The following KIAA1217 variants were observed in gnomAD, a reference collection of about 807,000 sequenced individuals.
KIAA1217 encodes the protein sickle tail protein homolog.
KIAA1217 carries 88 observed loss-of-function variants against 163.9 expected under a neutral mutation model. That is an observed-to-expected ratio of 0.54 (90% CI 0.45 to 0.64). The LOEUF (loss-of-function observed/expected upper bound fraction) is 0.64. Ranked by LOEUF, KIAA1217 falls within the 30% of genes least tolerant of loss-of-function variation. KIAA1217 has a pLI of 0.00. For missense variants in KIAA1217, 2,372 were observed against 2,475.0 expected, an observed-to-expected ratio of 0.96 and a Z score of 0.88; for synonymous variants, 903 against 923.1, an observed-to-expected ratio of 0.98 and a Z score of 0.39.
chr10:24,482,565 C>T (rs1157952983), intron 6 of KIAA1217: 1 of 152,172 alleles, frequency 6.6e-6, no homozygotes, highest in Non-Finnish European at 1.5e-5. Flanking sequence ...CATAGTTTAG[C>T]CTCTCTTGTG....
intron 1 of KIAA1217, among the ~76,000 whole-genome samples, chr10:23,751,137 T>C (rs1564390489): frequency 6.6e-6 from 1 of 152,108 alleles, no homozygotes; most frequent in African/African-American, 2.4e-5. Context: ...AAGGAATTCT[T>C]GTGCCTCAGC....
At chr10:24,140,359 CAAAA>C (rs1260294070) in intron 2 of KIAA1217, among the ~76,000 whole-genome samples, 7 of 94,234 alleles carry the variant, frequency 7.4e-5, no homozygotes, top group Non-Finnish European at 9.0e-5. Flanking sequence ...GACTCTGTCT[CAAAA>C]AAAAAAAAAA....
intron 2 of KIAA1217, among the ~76,000 whole-genome samples, chr10:24,337,444 C>T (rs2046483558): frequency 6.6e-6 from 1 of 152,132 alleles, no homozygotes; most frequent in Non-Finnish European, 1.5e-5. Context: ...GATGCTGTGC[C>T]CACATTATGT....
chr10:24,392,417 C>T (rs967687626), intron 3 of KIAA1217, among the ~76,000 whole-genome samples: 7 of 152,132 alleles, frequency 4.6e-5, no homozygotes, highest in Non-Finnish European at 1.0e-4. Context: ...TTAAGTCATG[C>T]AGTGAGAAGG....
chr10:24,398,531 A>G (rs2056124564), intron 3 of KIAA1217, among the ~76,000 whole-genome samples: 2 of 152,206 alleles, frequency 1.3e-5, no homozygotes, highest in African/African-American at 4.8e-5. Flanking sequence ...TCAGGGCAGG[A>G]GTGGAAGTTT....
At chr10:24,206,509 G>A (rs1414208092), upstream of KIAA1217, among the ~76,000 whole-genome samples, 1 of 152,208 alleles carries the variant, frequency 6.6e-6, no homozygotes, top group Admixed American at 6.5e-5. Context: ...GAAGGTCTCT[G>A]TGCTTTGGAG....
At chr10:24,306,573 G>A (rs573451257) in intron 2 of KIAA1217, among the ~76,000 whole-genome samples, 16 of 152,168 alleles carry the variant, frequency 1.1e-4, no homozygotes, top group Non-Finnish European at 1.5e-4. Context: ...AGTGACTTGC[G>A]GGCAGCTGTC....
At position 24,134,215 on chromosome 10, in the gene KIAA1217, G is replaced by A. The variant is rs181249776; in HGVS notation, c.-170-85411G>A. On this transcript the variant is annotated intron_variant, in intron 2 of 18. Transcript: ENST00000376462. ...ATTTAGATGTGCAGAGATTTGGGAT[G>A]GGCTAGTGGAGGAGAGGTGGCTGAT... Among the ~76,000 whole-genome samples, 214 of 152,310 alleles carry A rather than the reference G, an allele frequency of 1.4e-3. 2 individuals are homozygous for A. The highest frequency in any genetic ancestry group is 2.4e-3 in the Non-Finnish European group (164 of 68,038).
At chr10:24,250,431 A>G (rs1014322620) in intron 2 of KIAA1217, among the ~76,000 whole-genome samples, 22 of 99,586 alleles carry the variant, frequency 2.2e-4, no homozygotes, top group Non-Finnish European at 4.4e-4. Context: ...GAAGGGACAC[A>G]TTTGGCACTT....
At position 24,544,022 on chromosome 10, in the gene KIAA1217, TCTCA is replaced by T; in HGVS notation, c.4757_4760del (p.Thr1586LysfsTer17). ...AATTCCCTAAGAAGCAACTCGCCGC[TCTCA>T]CTCAAGCCATTCGCACCGGAACTAA... On this transcript the variant is annotated frameshift_variant, in exon 19 of 21. Transcript: ENST00000376454. LOFTEE classifies it high-confidence loss of function. 2 of 1,614,118 alleles carry T rather than the reference TCTCA, an allele frequency of 1.2e-6. No homozygotes were observed. The highest frequency in any genetic ancestry group is 8.5e-7 in the Non-Finnish European group (1 of 1,180,028).
chr10:23,927,227 T>C (rs4529808), intron 1 of KIAA1217, among the ~76,000 whole-genome samples: 67,183 of 151,948 alleles, frequency 0.44, 18,815 homozygotes, highest in African/African-American at 0.8. Context: ...CTGGTCTATC[T>C]TATTTATTTT....
chr10:24,153,055 G>T (rs183893661), intron 2 of KIAA1217, among the ~76,000 whole-genome samples: 2 of 152,306 alleles, frequency 1.3e-5, no homozygotes, highest in East Asian at 3.9e-4. Flanking sequence ...TCCAGCTTTA[G>T]ATCCTACTGT....
At chr10:23,897,930 T>A (rs1476831084) in intron 1 of KIAA1217, among the ~76,000 whole-genome samples, 1 of 151,956 alleles carries the variant, frequency 6.6e-6, no homozygotes, top group Non-Finnish European at 1.5e-5. Context: ...ATTTTTAAAT[T>A]TTTTTTTAAA....
At chr10:23,921,620 A>G (rs565944300) in intron 1 of KIAA1217, among the ~76,000 whole-genome samples, 1 of 152,242 alleles carries the variant, frequency 6.6e-6, no homozygotes, top group East Asian at 1.9e-4. Flanking sequence ...TGATACTTTG[A>G]GCTGGGGGCT....
At chr10:23,767,869 A>T (rs1321787180) in intron 1 of KIAA1217, among the ~76,000 whole-genome samples, 1 of 152,230 alleles carries the variant, frequency 6.6e-6, no homozygotes, top group Non-Finnish European at 1.5e-5. Flanking sequence ...CCCAGAGCGT[A>T]GGGTGTAAGC....
At chr10:23,803,928 T>C (rs1014787888) in intron 1 of KIAA1217, among the ~76,000 whole-genome samples, 2 of 152,204 alleles carry the variant, frequency 1.3e-5, no homozygotes, top group African/African-American at 4.8e-5. Flanking sequence ...CAGACTCATA[T>C]AGATATCTAC....
intron 2 of KIAA1217, among the ~76,000 whole-genome samples, chr10:24,095,952 G>A (rs1053073731): frequency 6.6e-6 from 1 of 152,068 alleles, no homozygotes; most frequent in Non-Finnish European, 1.5e-5. Context: ...AAAACAAAAA[G>A]TTTTCATTAG....
chr10:24,158,781 C>A, intron 2 of KIAA1217: 1 of 474,060 alleles, frequency 2.1e-6, no homozygotes, highest in Non-Finnish European at 4.3e-6. Flanking sequence ...GAGTACATGT[C>A]TGGCCGGTAG....
chr10:24,248,926 A>T (rs529789855), intron 2 of KIAA1217, among the ~76,000 whole-genome samples: 1 of 152,322 alleles, frequency 6.6e-6, no homozygotes, highest in African/African-American at 2.4e-5. Context: ...TGCGAGAGGG[A>T]TGTCTTTTGA....
Sources: gnomAD v4.1 joint callset for allele counts (sites outside exome capture counted in the v4.1 genomes callset) on GRCh38, gnomAD v4.1.1 for gene constraint, MANE v1.5 for transcripts, NCBI Gene and HGNC (gene_info 2026-07-23, HGNC 2026-07-21) for gene names.